Variants in SPAG16 observed in about 807,000 individuals in gnomAD.
SPAG16 encodes sperm associated antigen 16.
Under a neutral mutation model 80.4 loss-of-function variants are expected in SPAG16, and 86 were observed. The observed-to-expected ratio is 1.07, with a 90% CI of 0.90 to 1.28. The LOEUF (loss-of-function observed/expected upper bound fraction) is 1.28. Ranked by LOEUF, SPAG16 falls within the 50% of genes most tolerant of loss-of-function variation. The pLI, the probability that SPAG16 is intolerant of heterozygous loss-of-function variation, is 0.00. For missense variants in SPAG16, 870 were observed against 765.3 expected (o/e 1.14, Z -1.61); for synonymous variants, 294 against 265.9 (o/e 1.11, Z -1.03).
intron 12 of SPAG16, among the ~76,000 whole-genome samples, chr2:213,939,293 C>T (rs750606469): frequency 6.6e-6 from 1 of 152,186 alleles, no homozygotes; most frequent in Non-Finnish European, 1.5e-5. Flanking sequence ...ATGGTCCAGA[C>T]CCTTGCCCTT....
At chr2:213,855,733 T>C (rs1273846101) in intron 10 of SPAG16, among the ~76,000 whole-genome samples, 1 of 152,100 alleles carries the variant, frequency 6.6e-6, no homozygotes, top group Non-Finnish European at 1.5e-5. Context: ...GGAAGCCCCA[T>C]ATGAAACCAT....
At chr2:213,366,141 CA>C (rs759352187) in intron 8 of SPAG16, among the ~76,000 whole-genome samples, 28,613 of 82,202 alleles carry the variant, frequency 0.35, 2,220 homozygotes, top group African/African-American at 0.38. Flanking sequence ...GACTCCGTCT[CA>C]AAAAAAAAAA....
At chr2:213,902,245 C>G (rs1575501258) in intron 11 of SPAG16, among the ~76,000 whole-genome samples, 1 of 152,180 alleles carries the variant, frequency 6.6e-6, no homozygotes, top group East Asian at 1.9e-4. Flanking sequence ...ACTGTGGGAG[C>G]TTGAGGAAAG....
At chr2:213,753,958 C>A (rs1329678131) in intron 10 of SPAG16, among the ~76,000 whole-genome samples, 1 of 152,198 alleles carries the variant, frequency 6.6e-6, no homozygotes, top group Admixed American at 6.5e-5. Flanking sequence ...GCATGTTCAG[C>A]AAGCCGTGAC....
chr2:213,698,770 C>T (rs1019512486), intron 10 of SPAG16, among the ~76,000 whole-genome samples: 43 of 152,228 alleles, frequency 2.8e-4, no homozygotes, highest in African/African-American at 7.2e-4. Context: ...CACTCATGTC[C>T]GACTGCAGTG....
At chr2:214,319,261 T>C (rs1300312066) in intron 15 of SPAG16, among the ~76,000 whole-genome samples, 2 of 144,960 alleles carry the variant, frequency 1.4e-5, no homozygotes, top group African/African-American at 5.2e-5. Flanking sequence ...CAGGTTGTGT[T>C]TAGATTCTGA....
chr2:213,951,057 T>G (rs2079751188), intron 12 of SPAG16, among the ~76,000 whole-genome samples: 1 of 151,814 alleles, frequency 6.6e-6, no homozygotes, highest in Non-Finnish European at 1.5e-5. Flanking sequence ...CATAAATTGA[T>G]TAATATTTTT....
intron 12 of SPAG16, among the ~76,000 whole-genome samples, chr2:213,961,340 G>A (rs894959296): frequency 2.0e-5 from 3 of 152,048 alleles, no homozygotes; most frequent in African/African-American, 7.2e-5. Context: ...CATGGAATCT[G>A]CAAATAGAGA....
intron 6 of SPAG16, among the ~76,000 whole-genome samples, chr2:213,349,466 A>G (rs1343358838): frequency 1.4e-4 from 22 of 152,216 alleles, no homozygotes; most frequent in Admixed American, 1.4e-3. Context: ...GCTGGCAATA[A>G]TGTAGGGTAC....
chr2:214,136,872 A>T (rs1488297776), intron 14 of SPAG16, among the ~76,000 whole-genome samples: 2 of 152,180 alleles, frequency 1.3e-5, no homozygotes, highest in Non-Finnish European at 2.9e-5. Flanking sequence ...ATGAGCCTAA[A>T]CATTTTATTA....
At chr2:213,622,218 G>A (rs186588070) in intron 10 of SPAG16, among the ~76,000 whole-genome samples, 13 of 151,954 alleles carry the variant, frequency 8.6e-5, no homozygotes, top group Non-Finnish European at 1.2e-4. Flanking sequence ...TGACTCTTAC[G>A]GTCTTAAAGT....
chr2:213,371,571 C>G lies in SPAG16; in HGVS notation c.833-3439C>G, dbSNP rs1451992191. Reference sequence around the variant, plus strand: ...CTCTCTCATTTACCCATTCATCCACCCATCCATCTATCCATTTATTTTCGG... The same window carrying G: ...CTCTCTCATTTACCCATTCATCCACGCATCCATCTATCCATTTATTTTCGG... On this transcript the variant is annotated intron_variant, in intron 8 of 15. Coordinates refer to ENST00000331683, the MANE Select transcript of SPAG16 (RefSeq NM_024532.5). Among the ~76,000 whole-genome samples, 5 of 151,942 alleles carry G rather than the reference C, an allele frequency of 3.3e-5. No individual in the cohort carries two copies. In the South Asian group the frequency reaches 1.0e-3, roughly 32 times the overall value.
intron 11 of SPAG16, among the ~76,000 whole-genome samples, chr2:213,928,888 T>A (rs2078617522): frequency 7.6e-6 from 1 of 131,286 alleles, no homozygotes; most frequent in Non-Finnish European, 1.6e-5. Context: ...AAGTAAAATT[T>A]TCTTGCAGCT....
intron 9 of SPAG16, among the ~76,000 whole-genome samples, chr2:213,403,945 C>T (rs1254306773): frequency 6.6e-6 from 1 of 152,140 alleles, no homozygotes; most frequent in Non-Finnish European, 1.5e-5. Flanking sequence ...CATGAGTGAA[C>T]TCCCATTCAC....
chr2:214,173,238 ATTTAAGTC>A (rs1288263181), intron 15 of SPAG16, among the ~76,000 whole-genome samples: 1 of 151,862 alleles, frequency 6.6e-6, no homozygotes, highest in African/African-American at 2.4e-5. Context: ...TAGGTCTAAC[ATTTAAGTC>A]TTTAATCCAT....
At chr2:213,785,787 C>T (rs1443295582) in intron 10 of SPAG16, among the ~76,000 whole-genome samples, 2 of 152,006 alleles carry the variant, frequency 1.3e-5, no homozygotes, top group Non-Finnish European at 1.5e-5. Flanking sequence ...GAGGCCGAGG[C>T]GGGAGGATCA....
rs763808594 is a variant in SPAG16 at position 214,102,109 on chromosome 2, G to GTTTTTTTTTTTTTTTTTT, written c.1528-6081_1528-6080insTTTTTTTTTTTTTTTTTT. The stretch of plus-strand genomic sequence containing the variant: ...TAATAAAGCATATCTGGTGAGGGTG[G>GTTTTTTTTTTTTTTTTTT]TTTTTTGTTTTTTTTTTTTTGCAAT... On this transcript the variant is annotated intron_variant, in intron 13 of 15. Coordinates refer to ENST00000331683, the MANE Select transcript of SPAG16 (RefSeq NM_024532.5). Among the ~76,000 whole-genome samples the GTTTTTTTTTTTTTTTTTT allele has an allele frequency of 4.1e-5, 4 of 96,606 alleles. 2 individuals are homozygous for GTTTTTTTTTTTTTTTTTT. The highest frequency in any genetic ancestry group is 4.4e-5 in the Non-Finnish European group (2 of 45,866). The allele number at this position is 96,606 out of a possible 152,430, so 63.4% of individuals were successfully genotyped here. A position where few individuals can be genotyped will look rare whatever the true frequency, so the allele number is the denominator to read the frequency against.
intron 10 of SPAG16, among the ~76,000 whole-genome samples, chr2:213,748,614 A>G (rs1343335957): frequency 6.6e-6 from 1 of 152,190 alleles, no homozygotes; most frequent in African/African-American, 2.4e-5. Context: ...ATTAACATAT[A>G]AATAAGAAAG....
At chr2:213,387,295 A>G (rs1345097561) in intron 9 of SPAG16, among the ~76,000 whole-genome samples, 1 of 151,696 alleles carries the variant, frequency 6.6e-6, no homozygotes, top group Non-Finnish European at 1.5e-5. Flanking sequence ...AGGAAAGGTG[A>G]AAAAGCACTA....
Sources: allele counts gnomAD v4.1 joint callset (sites outside exome capture counted in the v4.1 genomes callset), GRCh38; gene constraint gnomAD v4.1.1; transcripts MANE v1.5; gene names NCBI Gene and HGNC (gene_info 2026-07-23, HGNC 2026-07-21).